Variants in PAM observed in about 807,000 individuals in gnomAD.
PAM encodes peptidyl-glycine alpha-amidating monooxygenase.
In PAM, 72 loss-of-function variants were observed where a neutral mutation model predicts 122.1. That is an observed-to-expected ratio of 0.59 (90% CI 0.49 to 0.72). The LOEUF (loss-of-function observed/expected upper bound fraction) is 0.72. Ranked by LOEUF, PAM falls within the 30% of genes least tolerant of loss-of-function variation. The probability of loss-of-function intolerance (pLI) is 0.00; values close to 1 mark genes in which losing one functional copy is unlikely to be tolerated. For synonymous variants in PAM, 389 were observed against 404.4 expected (o/e 0.96, Z 0.46); for missense variants, 1,106 against 1,183.7 (o/e 0.93, Z 0.96).
At chr5:102,798,947 A>T (rs574698090) in intron 1 of PAM, among the ~76,000 whole-genome samples, 2 of 152,314 alleles carry the variant, frequency 1.3e-5, no homozygotes, top group Non-Finnish European at 1.5e-5. Flanking sequence ...CTTAGGATGA[A>T]ATTACTAAAA....
Position 103,028,233 on chromosome 5 carries a change from T to G in PAM, c.2738T>G (p.Phe913Cys). The change falls in exon 25 of 26, where the codon TTT becomes TGT. Residue 913 changes from phenylalanine to cysteine, a missense_variant. Physicochemically the swap from Phe to Cys is radical, Grantham distance 205. Coordinates refer to ENST00000438793, the MANE Select transcript of PAM (RefSeq NM_001177306.2). ...ETSSGRVLGR[F>C]RGKGSGGLNL... ...AGTTCAGGAAGAGTACTGGGAAGAT[T>G]TAGAGGTATGCCTATGACCTTTTAG... is the stretch of plus-strand genomic sequence containing the variant. 1 of 1,608,186 alleles carries G rather than the reference T, an allele frequency of 6.2e-7. No homozygotes were observed. Among genetic ancestry groups the G allele is most frequent in the Non-Finnish European group, 8.5e-7 (1 of 1,174,810 alleles).
chr5:102,957,944 CCTCT>C (rs1192991523), intron 12 of PAM, among the ~76,000 whole-genome samples: 23 of 152,106 alleles, frequency 1.5e-4, no homozygotes, highest in Non-Finnish European at 2.6e-4. Flanking sequence ...TCTAGAATTC[CCTCT>C]CTAAGTATTT....
intron 14 of PAM, among the ~76,000 whole-genome samples, chr5:102,963,952 G>A (rs988430710): frequency 6.6e-6 from 1 of 150,828 alleles, no homozygotes; most frequent in African/African-American, 2.4e-5. Flanking sequence ...GTCAAGATAT[G>A]TAATAAATGT....
intron 1 of PAM, among the ~76,000 whole-genome samples, chr5:102,791,433 G>T (rs1762030212): frequency 6.6e-6 from 1 of 151,854 alleles, no homozygotes; most frequent in Non-Finnish European, 1.5e-5. Context: ...TTGATAACAT[G>T]AACATTTTTT....
At chr5:103,007,881 A>C (rs1582848359) in intron 20 of PAM, among the ~76,000 whole-genome samples, 1 of 152,256 alleles carries the variant, frequency 6.6e-6, no homozygotes, top group South Asian at 2.1e-4. Flanking sequence ...CCTGTTTGTA[A>C]GGGGTTAAAA....
intron 1 of PAM, among the ~76,000 whole-genome samples, chr5:102,822,557 T>G (rs564526241): frequency 4.6e-5 from 7 of 151,528 alleles, no homozygotes; most frequent in African/African-American, 1.5e-4. Flanking sequence ...AGGAATCGAT[T>G]TTTTTTTTCT....
chr5:103,005,273 T>C (rs373190974), intron 18 of PAM, 47 bp downstream of exon 18: 172 of 941,540 alleles, frequency 1.8e-4, no homozygotes, highest in Non-Finnish European at 2.9e-4. Flanking sequence ...AACAGAGTTA[T>C]GCTTTTGAAG....
At chr5:102,954,332 C>A (rs1265860768) in intron 12 of PAM, among the ~76,000 whole-genome samples, 1 of 151,770 alleles carries the variant, frequency 6.6e-6, no homozygotes, top group Non-Finnish European at 1.5e-5. Context: ...TCCCCAAAGT[C>A]CATTTTATCA....
intron 14 of PAM, among the ~76,000 whole-genome samples, chr5:102,964,301 T>G (rs1481645148): frequency 6.6e-6 from 1 of 151,982 alleles, no homozygotes; most frequent in Admixed American, 6.6e-5. Flanking sequence ...TAACTAGATG[T>G]CTTGACATCT....
At chr5:102,774,494 A>G (rs1756639290) in intron 1 of PAM, among the ~76,000 whole-genome samples, 1 of 152,102 alleles carries the variant, frequency 6.6e-6, no homozygotes, top group Admixed American at 6.6e-5. Flanking sequence ...TCTACCTAAA[A>G]CACTTGTGGG....
At chr5:102,756,983 T>G (rs1002517058) in intron 1 of PAM, among the ~76,000 whole-genome samples, 7 of 152,214 alleles carry the variant, frequency 4.6e-5, no homozygotes, top group African/African-American at 1.7e-4. Flanking sequence ...TTCTAATGAC[T>G]ATACATGGCA....
At chr5:102,874,588 T>C (rs923016413) in intron 3 of PAM, among the ~76,000 whole-genome samples, 1 of 152,092 alleles carries the variant, frequency 6.6e-6, no homozygotes, top group African/African-American at 2.4e-5. Flanking sequence ...TTATTTCTTA[T>C]AAAAAATAAG....
chr5:102,938,939 G>A (rs977893172), intron 7 of PAM, among the ~76,000 whole-genome samples: 15 of 152,016 alleles, frequency 9.9e-5, no homozygotes, highest in African/African-American at 3.6e-4. Flanking sequence ...TGTTTATTAT[G>A]TTCTAGGAAT....
At chr5:103,031,064 T>C (rs1270983874), downstream of PAM, 1 of 152,194 alleles carries the variant, frequency 6.6e-6, no homozygotes, top group African/African-American at 2.4e-5. Flanking sequence ...AATTGGATAA[T>C]TAAAATGGGC....
chr5:102,914,157 C>T, intron 5 of PAM, 136 bp downstream of exon 5: 2 of 610,022 alleles, frequency 3.3e-6, no homozygotes, highest in East Asian at 5.7e-5. Flanking sequence ...TGTTCATTGT[C>T]ATCACGTGGT....
In PAM at chr5:102,974,349, T is replaced by G. The variant is rs373372286; in HGVS notation, c.1396T>G (p.Ser466Ala). The G allele has an allele frequency of 5.6e-6, 9 of 1,613,836 alleles. No homozygotes were observed. Among genetic ancestry groups the G allele is most frequent in the Non-Finnish European group, 7.6e-6 (9 of 1,179,882 alleles). ...DRIHKFHRLVSTLRPPESRVF... is the reference protein window; with the variant it reads ...DRIHKFHRLVATLRPPESRVF... ...AATTCACAAATTCCACAGACTAGTA[T>G]CTACCTTGAGGCCACCAGAGAGCAG... is the stretch of plus-strand genomic sequence containing the variant. Residue 466 changes from serine (S) to alanine (A), a missense_variant, in exon 15 of 26, where the codon TCT becomes GCT. Physicochemically the swap from Ser to Ala is moderately conservative, Grantham distance 99. Transcript: ENST00000438793.
chr5:102,940,133 C>T lies in PAM; in HGVS notation c.527-6704C>T, dbSNP rs181376535. On this transcript the variant is annotated intron_variant, in intron 7 of 25. Transcript: ENST00000438793. The stretch of plus-strand genomic sequence containing the variant: ...GTATACATACACACACACACACACA[C>T]ACACACACACACACACATACACACA... Among the ~76,000 whole-genome samples, 387 of 150,820 alleles carry T rather than the reference C, an allele frequency of 2.6e-3. 2 individuals carry two copies. Among genetic ancestry groups the T allele is most frequent in the Non-Finnish European group, 3.9e-3 (262 of 67,704 alleles).
At chr5:102,782,762 A>AGTGTGTG (rs1759393453) in intron 1 of PAM, among the ~76,000 whole-genome samples, 1 of 94,792 alleles carries the variant, frequency 1.1e-5, no homozygotes, top group Non-Finnish European at 2.2e-5. Context: ...TGTGTGTGTA[A>AGTGTGTG]TTTTATTTAT....
intron 3 of PAM, among the ~76,000 whole-genome samples, chr5:102,880,444 A>G (rs560327610): frequency 2.0e-5 from 3 of 152,210 alleles, no homozygotes; most frequent in Admixed American, 2.0e-4. Context: ...AACAAATTTT[A>G]GTTGACTATA....
Sources: gnomAD v4.1 joint callset for allele counts (sites outside exome capture counted in the v4.1 genomes callset) on GRCh38, gnomAD v4.1.1 for gene constraint, MANE v1.5 for transcripts, NCBI Gene and HGNC (gene_info 2026-07-23, HGNC 2026-07-21) for gene names.